PAPOLG: variants seen among roughly 807,000 people sequenced by gnomAD.
PAPOLG encodes PAP-gamma.
A neutral mutation model predicts 99.0 loss-of-function variants in PAPOLG; 40 were observed. The observed-to-expected ratio is 0.40, with a 90% CI of 0.31 to 0.53. The LOEUF (loss-of-function observed/expected upper bound fraction) is 0.53. Among genes scored for constraint, PAPOLG ranks in the 20% least tolerant of loss-of-function variants. The pLI, the probability that PAPOLG is intolerant of heterozygous loss-of-function variation, is 0.41. For missense variants in PAPOLG, 675 were observed against 884.1 expected (o/e 0.76, Z 3.00); for synonymous variants, 310 against 299.3 (o/e 1.04, Z -0.37).
chr2:60,779,596 G>C (rs780267338), intron 8 of PAPOLG, 41 bp from the exon 9 acceptor site: 1 of 1,569,944 alleles, frequency 6.4e-7, no homozygotes, highest in Non-Finnish European at 8.7e-7. Context: ...GTCACAGATA[G>C]TAGGTCCTAA....
intron 12 of PAPOLG, 34 bp from the exon 13 acceptor site, chr2:60,783,122 C>T: frequency 6.6e-7 from 1 of 1,526,036 alleles, no homozygotes. Flanking sequence ...ATTTTTCTGG[C>T]TTTTTTTCCT....
chr2:60,789,452 C>G (rs1411787489), intron 15 of PAPOLG, among the ~76,000 whole-genome samples: 2 of 152,004 alleles, frequency 1.3e-5, no homozygotes, highest in African/African-American at 2.4e-5. Context: ...CCAGGCTGAT[C>G]TCGAACTCCT....
At position 60,768,418 on chromosome 2, in the gene PAPOLG, T is replaced by G. The variant is rs1335006020; in HGVS notation, c.247-52T>G. On this transcript the variant is annotated intron_variant, in intron 3 of 21. Coordinates refer to ENST00000238714, the MANE Select transcript of PAPOLG (RefSeq NM_022894.4). ...TGCCCAGCCAACATTGAGGTGACTT[T>G]TATGCTAAATAATTTGAATAATTGA... 5 of 1,591,726 alleles carry G rather than the reference T, an allele frequency of 3.1e-6. No homozygotes were observed. The Admixed American group carries it at 5.0e-5, about 16-fold the overall frequency.
chr2:60,768,272 T>C (rs1222127513), intron 3 of PAPOLG, among the ~76,000 whole-genome samples, 198 bp from the exon 4 acceptor site: 1 of 152,192 alleles, frequency 6.6e-6, no homozygotes, highest in Admixed American at 6.5e-5. Flanking sequence ...CAGCTAACTT[T>C]TGTATTCCTA....
chr2:60,781,760 A>G, intron 10 of PAPOLG, 125 bp from the exon 11 acceptor site: 2 of 1,295,368 alleles, frequency 1.5e-6, no homozygotes, highest in South Asian at 1.5e-5. Context: ...GGGAAAATGT[A>G]CTTCTTAAAC....
intron 5 of PAPOLG, 68 bp from the exon 6 acceptor site, chr2:60,770,387 CATT>C (rs2103776898): frequency 7.7e-7 from 1 of 1,291,754 alleles, no homozygotes; most frequent in African/African-American, 1.5e-5. Flanking sequence ...AAGATATTCA[CATT>C]ATTGGTAGTT....
chr2:60,767,485 T>C (rs1430216920), intron 3 of PAPOLG, among the ~76,000 whole-genome samples: 4 of 152,090 alleles, frequency 2.6e-5, no homozygotes, highest in African/African-American at 4.8e-5. Flanking sequence ...TTCTTTTTTG[T>C]AGAGATGGTG....
intron 15 of PAPOLG, among the ~76,000 whole-genome samples, chr2:60,790,102 G>T (rs529802086): frequency 6.6e-6 from 1 of 152,058 alleles, no homozygotes; most frequent in African/African-American, 2.4e-5. Flanking sequence ...CTCAAAAAAA[G>T]AAAAGAAAAT....
At chr2:60,791,617 T>C (rs576123403) in intron 15 of PAPOLG, 144 bp from the exon 16 acceptor site, 290 of 887,028 alleles carry the variant, frequency 3.3e-4, no homozygotes, top group Non-Finnish European at 4.6e-4. Flanking sequence ...ATTAAAAATA[T>C]TTGTTTTGTG....
At chr2:60,790,549 T>G (rs1671500596) in intron 15 of PAPOLG, among the ~76,000 whole-genome samples, 2 of 152,230 alleles carry the variant, frequency 1.3e-5, no homozygotes. Flanking sequence ...TGTGTGTGAG[T>G]TAATAAAACC....
At chr2:60,772,192 C>A (rs1038787203) in intron 7 of PAPOLG, among the ~76,000 whole-genome samples, 3 of 152,046 alleles carry the variant, frequency 2.0e-5, no homozygotes, top group African/African-American at 7.2e-5. Context: ...GCCTGTAATC[C>A]CAGCCCTTTG....
intron 17 of PAPOLG, among the ~76,000 whole-genome samples, chr2:60,792,518 G>T (rs1671572182): frequency 6.6e-6 from 1 of 152,182 alleles, no homozygotes; most frequent in South Asian, 2.1e-4. Context: ...GTACACATTT[G>T]TTGCTTAAAT....
intron 15 of PAPOLG, among the ~76,000 whole-genome samples, chr2:60,788,153 GAAAA>G (rs1344483990): frequency 3.3e-5 from 5 of 151,878 alleles, no homozygotes; most frequent in Non-Finnish European, 7.4e-5. Context: ...AAAAATAAAA[GAAAA>G]TAAATACACA....
intron 9 of PAPOLG, among the ~76,000 whole-genome samples, chr2:60,780,058 A>C (rs1338689526): frequency 6.6e-6 from 1 of 152,212 alleles, no homozygotes; most frequent in Non-Finnish European, 1.5e-5. Flanking sequence ...CCTCATTTGT[A>C]AAATGGAGAT....
chr2:60,756,552 C>T (rs1012307808), intron 1 of PAPOLG, 57 bp downstream of exon 1: 74 of 1,526,562 alleles, frequency 4.8e-5, no homozygotes, highest in Non-Finnish European at 5.6e-5. Flanking sequence ...CTGAGGTGGT[C>T]CGACTGTGTC....
intron 8 of PAPOLG, among the ~76,000 whole-genome samples, chr2:60,776,417 C>CT (rs1491032001): frequency 1.3e-4 from 16 of 121,518 alleles, no homozygotes; most frequent in South Asian, 5.2e-4. Flanking sequence ...GCATTGGCTT[C>CT]ATTTTTTTTT....
At chr2:60,759,955 T>TCATAAA (rs1180142101) in intron 1 of PAPOLG, 179 bp from the exon 2 acceptor site, 1 of 187,786 alleles carries the variant, frequency 5.3e-6, no homozygotes, top group Admixed American at 6.5e-5. Context: ...AATAGCCCCT[T>TCATAAA]CATAAACATA....
chr2:60,768,224 A>T (rs1011345532), intron 3 of PAPOLG, among the ~76,000 whole-genome samples: 14 of 151,926 alleles, frequency 9.2e-5, no homozygotes, highest in Admixed American at 8.5e-4. Flanking sequence ...GCCTCAGCCT[A>T]CCAAGCAGCT....
At chr2:60,795,129 T>G (rs776821204) in intron 21 of PAPOLG, 109 bp downstream of exon 21, 16 of 951,750 alleles carry the variant, frequency 1.7e-5, no homozygotes, top group Non-Finnish European at 2.4e-5. Flanking sequence ...AAGTAAGATT[T>G]TGTCCCTGTC....
Sources: allele counts gnomAD v4.1 joint callset (sites outside exome capture counted in the v4.1 genomes callset), GRCh38; gene constraint gnomAD v4.1.1; transcripts MANE v1.5; gene names NCBI Gene and HGNC (gene_info 2026-07-23, HGNC 2026-07-21).